SNTG1: variants seen among roughly 807,000 people sequenced by gnomAD.
SNTG1 encodes the protein syntrophin gamma 1.
SNTG1 carries 39 observed loss-of-function variants against 74.7 expected under a neutral mutation model. The ratio of observed to expected loss-of-function variants is 0.52; its 90% confidence interval spans 0.40 to 0.68. SNTG1 has a LOEUF of 0.68. Ranked by LOEUF, SNTG1 falls within the 30% of genes least tolerant of loss-of-function variation. The probability of loss-of-function intolerance (pLI) is 0.00; values close to 1 mark genes in which losing one functional copy is unlikely to be tolerated. For missense variants in SNTG1, 685 were observed against 609.5 expected (o/e 1.12, Z -1.30); for synonymous variants, 254 against 217.1 (o/e 1.17, Z -1.49).
intron 2 of SNTG1, among the ~76,000 whole-genome samples, chr8:50,348,823 T>C (rs1314996982): frequency 6.6e-6 from 1 of 152,224 alleles, no homozygotes; most frequent in African/African-American, 2.4e-5. Flanking sequence ...ATTTCCATCA[T>C]CATGTCTATT....
chr8:50,113,273 T>C (rs1254719689), intron 1 of SNTG1, among the ~76,000 whole-genome samples: 1 of 152,170 alleles, frequency 6.6e-6, no homozygotes, highest in Non-Finnish European at 1.5e-5. Context: ...GCTTTTATTT[T>C]GTTGAGCAGT....
In SNTG1 at chr8:50,620,606, T is replaced by A. The variant is rs555166214; in HGVS notation, c.849+29689T>A. ...GTGCCTCAGAGAGAGTAGCTAATTT[T>A]TCTGCACTTCCACGTTATCATCTAT... On this transcript the variant is annotated intron_variant, in intron 13 of 18. Transcript: ENST00000642720. Among the ~76,000 whole-genome samples, 52 of 152,292 alleles carry A rather than the reference T, an allele frequency of 3.4e-4. No homozygotes were observed. The South Asian group carries it at 0.011, about 31-fold the overall frequency.
At chr8:50,333,174 G>A (rs1047512391) in intron 2 of SNTG1, among the ~76,000 whole-genome samples, 1 of 152,220 alleles carries the variant, frequency 6.6e-6, no homozygotes, top group African/African-American at 2.4e-5. Context: ...TCACAGAACA[G>A]CTGTGTGACT....
chr8:50,388,145 G>A (rs1251380971), intron 2 of SNTG1, among the ~76,000 whole-genome samples: 2 of 152,100 alleles, frequency 1.3e-5, no homozygotes, highest in Non-Finnish European at 2.9e-5. Flanking sequence ...TCTAAGACAG[G>A]CATATGCATT....
intron 1 of SNTG1, among the ~76,000 whole-genome samples, chr8:50,036,682 G>C (rs1284556883): frequency 6.6e-6 from 1 of 152,184 alleles, no homozygotes; most frequent in Non-Finnish European, 1.5e-5. Context: ...GGGTGGCATA[G>C]CTGAAGATTT....
intron 15 of SNTG1, among the ~76,000 whole-genome samples, chr8:50,669,544 A>C (rs2095268303): frequency 1.3e-5 from 2 of 152,230 alleles, no homozygotes; most frequent in Admixed American, 6.6e-5. Context: ...TTGTGGCAAT[A>C]ATCAATAGCT....
At chr8:50,222,702 A>G (rs1300945137) in intron 2 of SNTG1, among the ~76,000 whole-genome samples, 8 of 152,128 alleles carry the variant, frequency 5.3e-5, no homozygotes, top group Non-Finnish European at 1.2e-4. Context: ...ACTGGCTAAG[A>G]GTAAGGATTC....
At chr8:50,538,060 A>T (rs554903006) in intron 11 of SNTG1, among the ~76,000 whole-genome samples, 3 of 152,282 alleles carry the variant, frequency 2.0e-5, no homozygotes, top group Non-Finnish European at 4.4e-5. Flanking sequence ...ATTTTTGAGT[A>T]TATCACTTTG....
intron 2 of SNTG1, among the ~76,000 whole-genome samples, chr8:50,195,296 C>T (rs2083723350): frequency 1.3e-5 from 2 of 151,808 alleles, no homozygotes; most frequent in South Asian, 4.2e-4. Context: ...ACCGTGACCC[C>T]CACAAGAACC....
chr8:50,257,599 G>C (rs1210295818), intron 2 of SNTG1, among the ~76,000 whole-genome samples: 1 of 152,214 alleles, frequency 6.6e-6, no homozygotes, highest in African/African-American at 2.4e-5. Context: ...ATTTGTGCCT[G>C]AGATTCAATC....
intron 2 of SNTG1, among the ~76,000 whole-genome samples, chr8:50,320,351 G>T (rs925217394): frequency 6.6e-6 from 1 of 152,000 alleles, no homozygotes; most frequent in Non-Finnish European, 1.5e-5. Context: ...CATATCAATT[G>T]TAATGTTTCA....
At chr8:50,514,951 T>C (rs1291283668) in intron 9 of SNTG1, among the ~76,000 whole-genome samples, 2 of 152,226 alleles carry the variant, frequency 1.3e-5, no homozygotes, top group Non-Finnish European at 2.9e-5. Context: ...TCATGGTGAA[T>C]TGACAGTTTT....
At chr8:50,546,096 G>T (rs11774320) in intron 11 of SNTG1, among the ~76,000 whole-genome samples, 2 of 152,138 alleles carry the variant, frequency 1.3e-5, no homozygotes, top group Non-Finnish European at 2.9e-5. Context: ...GGATGTCATA[G>T]AAGTTATTTC....
intron 12 of SNTG1, among the ~76,000 whole-genome samples, chr8:50,583,411 AAAAG>A (rs2094624751): frequency 1.3e-5 from 2 of 151,640 alleles, no homozygotes; most frequent in African/African-American, 4.8e-5. Context: ...AAAAAAAAAA[AAAAG>A]AAAGAAAATA....
intron 18 of SNTG1, among the ~76,000 whole-genome samples, chr8:50,779,852 C>T (rs1563831650): frequency 1.3e-5 from 2 of 152,014 alleles, no homozygotes; most frequent in African/African-American, 2.4e-5. Flanking sequence ...TCACAGATAG[C>T]TCTTATTATT....
chr8:50,388,160 G>A (rs1056193589), intron 2 of SNTG1, among the ~76,000 whole-genome samples: 2 of 152,156 alleles, frequency 1.3e-5, no homozygotes, highest in Non-Finnish European at 2.9e-5. Flanking sequence ...TGCATTTTCA[G>A]GTCATATATG....
chr8:50,422,056 T>C (rs187944687), intron 4 of SNTG1, among the ~76,000 whole-genome samples: 4 of 152,242 alleles, frequency 2.6e-5, no homozygotes, highest in Admixed American at 1.3e-4. Flanking sequence ...CAATCTCTCC[T>C]AGACCTGGAA....
chr8:50,493,916 C>G (rs983046441), intron 8 of SNTG1, among the ~76,000 whole-genome samples: 1 of 151,446 alleles, frequency 6.6e-6, no homozygotes, highest in Non-Finnish European at 1.5e-5. Flanking sequence ...TGAGTTCCAG[C>G]AAATACAGGT....
At chr8:50,508,578 C>A (rs971654037) in intron 9 of SNTG1, among the ~76,000 whole-genome samples, 1 of 152,120 alleles carries the variant, frequency 6.6e-6, no homozygotes, top group African/African-American at 2.4e-5. Flanking sequence ...CTCTCCAGCA[C>A]CTGTTGTTTC....
Sources: allele counts gnomAD v4.1 joint callset (sites outside exome capture counted in the v4.1 genomes callset), GRCh38; gene constraint gnomAD v4.1.1; transcripts MANE v1.5; gene names NCBI Gene and HGNC (gene_info 2026-07-23, HGNC 2026-07-21).